ADCY2: variants seen among roughly 807,000 people sequenced by gnomAD.
The protein encoded by ADCY2 is adenylate cyclase 2, also known as adenylate cyclase type 2.
In ADCY2, 31 loss-of-function variants were observed where a neutral mutation model predicts 125.2. The ratio of observed to expected loss-of-function variants is 0.25; its 90% CI spans 0.19 to 0.33. The LOEUF (loss-of-function observed/expected upper bound fraction) is 0.33. ADCY2 is among the 10% of genes least tolerant of loss of function. The pLI is 1.00. For synonymous variants in ADCY2, 512 were observed against 548.4 expected (o/e 0.93, Z 0.93); for missense variants, 904 against 1,418.2 (o/e 0.64, Z 5.82).
At chr5:7,792,054 C>T (rs1481973259) in intron 20 of ADCY2, among the ~76,000 whole-genome samples, 3 of 151,862 alleles carry the variant, frequency 2.0e-5, no homozygotes, top group Non-Finnish European at 4.4e-5. Context: ...CCCACTGGAG[C>T]AGGCAGGAAG....
intron 3 of ADCY2, among the ~76,000 whole-genome samples, chr5:7,528,600 G>A (rs554339999): frequency 6.6e-6 from 1 of 152,290 alleles, no homozygotes; most frequent in South Asian, 2.1e-4. Context: ...TCCATTAACT[G>A]TCTCTATCCT....
chr5:7,517,612 C>T (rs1469368035), intron 2 of ADCY2, among the ~76,000 whole-genome samples: 1 of 152,170 alleles, frequency 6.6e-6, no homozygotes, highest in African/African-American at 2.4e-5. Context: ...ACGGAAACCT[C>T]TGATTTGATT....
At chr5:7,493,921 C>T (rs1236885031) in intron 2 of ADCY2, among the ~76,000 whole-genome samples, 1 of 152,052 alleles carries the variant, frequency 6.6e-6, no homozygotes, top group Non-Finnish European at 1.5e-5. Flanking sequence ...GGTCCATAAA[C>T]CCAGCAGCCA....
At chr5:7,443,481 A>T (rs2126403900) in intron 2 of ADCY2, among the ~76,000 whole-genome samples, 1 of 151,758 alleles carries the variant, frequency 6.6e-6, no homozygotes, top group South Asian at 2.1e-4. Context: ...TCTACTAAAA[A>T]TACAAAAAAT....
At chr5:7,552,726 GTACC>G (rs1735379004) in intron 3 of ADCY2, among the ~76,000 whole-genome samples, 1 of 152,152 alleles carries the variant, frequency 6.6e-6, no homozygotes, top group Non-Finnish European at 1.5e-5. Context: ...AATTATGAAT[GTACC>G]AAATAACTTG....
At chr5:7,734,357 C>T (rs542186024) in intron 14 of ADCY2, among the ~76,000 whole-genome samples, 40 of 152,204 alleles carry the variant, frequency 2.6e-4, no homozygotes, top group African/African-American at 8.9e-4. Flanking sequence ...GTTTCTCACC[C>T]CTGTCAGGGC....
intron 3 of ADCY2, among the ~76,000 whole-genome samples, chr5:7,589,506 G>GAAAGTAAGAAAGAAAGA (rs1736768432): frequency 1.1e-5 from 1 of 93,840 alleles, no homozygotes; most frequent in Admixed American, 1.2e-4. Context: ...AAGAAAGAAA[G>GAAAGTAAGAAAGAAAGA]AAAGAAAAGA....
At chr5:7,438,690 G>T (rs1290086654) in intron 2 of ADCY2, among the ~76,000 whole-genome samples, 1 of 152,218 alleles carries the variant, frequency 6.6e-6, no homozygotes, top group East Asian at 1.9e-4. Flanking sequence ...TTCTTCATGT[G>T]TAAAATGGGT....
chr5:7,411,119 C>CA (rs1739698608), intron 1 of ADCY2, among the ~76,000 whole-genome samples: 1 of 152,224 alleles, frequency 6.6e-6, no homozygotes, highest in Non-Finnish European at 1.5e-5. Context: ...GCAAGGTTCT[C>CA]AAAACTCCTT....
chr5:7,673,731 C>G (rs1579302019), intron 4 of ADCY2, among the ~76,000 whole-genome samples: 1 of 152,230 alleles, frequency 6.6e-6, no homozygotes, highest in East Asian at 1.9e-4. Flanking sequence ...AGCCAATAGG[C>G]AAGAGGTGGG....
chr5:7,436,146 C>G (rs1579441643), intron 2 of ADCY2, among the ~76,000 whole-genome samples: 2 of 152,252 alleles, frequency 1.3e-5, no homozygotes, highest in Admixed American at 1.3e-4. Flanking sequence ...TAAACAGACG[C>G]ACACATAAAA....
chr5:7,669,760 T>A (rs1739871004), intron 4 of ADCY2, among the ~76,000 whole-genome samples: 1 of 152,236 alleles, frequency 6.6e-6, no homozygotes, highest in African/African-American at 2.4e-5. Context: ...CAAAAGCCAC[T>A]GCTGCCGGCA....
intron 2 of ADCY2, among the ~76,000 whole-genome samples, chr5:7,428,463 C>G (rs1740469861): frequency 6.6e-6 from 1 of 152,170 alleles, no homozygotes; most frequent in Admixed American, 6.5e-5. Flanking sequence ...TGCTTAAGTT[C>G]AGCTTCCATT....
intron 2 of ADCY2, among the ~76,000 whole-genome samples, chr5:7,485,486 CAG>C (rs1271585117): frequency 1.3e-5 from 2 of 151,998 alleles, no homozygotes; most frequent in African/African-American, 2.4e-5. Flanking sequence ...GCTTTCAAAA[CAG>C]AAAGAATTAT....
In ADCY2 at chr5:7,588,829, T is replaced by C. The variant is rs73048178; in HGVS notation, c.571-37338T>C. On this transcript the variant is annotated intron_variant, in intron 3 of 24. Coordinates refer to ENST00000338316, the MANE Select transcript of ADCY2 (RefSeq NM_020546.3). ...AACAAGCTGCAGGACTGATTTGGCCTGCAGTTTGTAGTTTGCCAATCCCTG... is the reference window on the plus strand; with the variant it reads ...AACAAGCTGCAGGACTGATTTGGCCCGCAGTTTGTAGTTTGCCAATCCCTG... Among the ~76,000 whole-genome samples, 1,215 of 152,324 alleles carry C rather than the reference T, an allele frequency of 8.0e-3. 17 individuals are homozygous for C. The highest frequency in any genetic ancestry group is 0.028 in the African/African-American group (1,144 of 41,570).
intron 3 of ADCY2, among the ~76,000 whole-genome samples, chr5:7,527,438 A>T (rs1734512192): frequency 6.6e-6 from 1 of 152,202 alleles, no homozygotes; most frequent in African/African-American, 2.4e-5. Context: ...TTGTATTTGA[A>T]ACTCACTTTT....
At chr5:7,529,654 A>G (rs1188620777) in intron 3 of ADCY2, among the ~76,000 whole-genome samples, 1 of 152,212 alleles carries the variant, frequency 6.6e-6, no homozygotes, top group Non-Finnish European at 1.5e-5. Context: ...GCAGTGAAGT[A>G]GATGTCCCAG....
intron 2 of ADCY2, among the ~76,000 whole-genome samples, chr5:7,481,336 G>A (rs191035620): frequency 2.2e-3 from 333 of 152,168 alleles, no homozygotes; most frequent in Middle Eastern, 0.02. Flanking sequence ...GCACGATCTC[G>A]GCTCACTGCA....
intron 2 of ADCY2, among the ~76,000 whole-genome samples, chr5:7,499,228 G>A (rs1175820686): frequency 1.3e-5 from 2 of 152,040 alleles, no homozygotes; most frequent in African/African-American, 2.4e-5. Context: ...GGATGGTCTC[G>A]ATCTCTTGAC....
Sources: gnomAD v4.1 joint callset for allele counts (sites outside exome capture counted in the v4.1 genomes callset) on GRCh38, gnomAD v4.1.1 for gene constraint, MANE v1.5 for transcripts, NCBI Gene and HGNC (gene_info 2026-07-23, HGNC 2026-07-21) for gene names.